Variants in PLEKHA8 observed in about 807,000 individuals in gnomAD.
PLEKHA8 encodes the protein pleckstrin homology domain containing A8, also known as pleckstrin homology domain-containing family A member 8.
PLEKHA8 carries 36 observed loss-of-function variants against 68.2 expected under a neutral mutation model. The ratio of observed to expected loss-of-function variants is 0.53; its 90% confidence interval spans 0.40 to 0.70. The LOEUF is 0.70. Among genes scored for constraint, PLEKHA8 ranks in the 30% least tolerant of loss-of-function variants. The pLI is 0.00. For missense variants in PLEKHA8, 505 were observed against 615.4 expected (o/e 0.82, Z 1.90); for synonymous variants, 211 against 216.1 (o/e 0.98, Z 0.20).
At chr7:30,105,662 G>A (rs1395511583) in intron 13 of PLEKHA8, among the ~76,000 whole-genome samples, 1 of 152,162 alleles carries the variant, frequency 6.6e-6, no homozygotes, top group Non-Finnish European at 1.5e-5. Flanking sequence ...ACTCACAAAT[G>A]AGGAAATACA....
intron 13 of PLEKHA8, chr7:30,115,944 ACATACG>A (rs1345823890): frequency 2.5e-5 from 3 of 118,616 alleles, no homozygotes; most frequent in African/African-American, 6.4e-5. Context: ...ATACATGCAC[ACATACG>A]CATACATGCA....
At chr7:30,049,067 A>C in intron 4 of PLEKHA8, 157 bp from the exon 5 acceptor site, 2 of 810,190 alleles carry the variant, frequency 2.5e-6, no homozygotes, top group Non-Finnish European at 3.9e-6. Flanking sequence ...TTACTTGATT[A>C]ATAGATAAAT....
chr7:30,076,849 C>A (rs1794637785), intron 13 of PLEKHA8, among the ~76,000 whole-genome samples: 1 of 152,174 alleles, frequency 6.6e-6, no homozygotes, highest in African/African-American at 2.4e-5. Flanking sequence ...TTCATGTTAA[C>A]TAATCTCGGT....
At chr7:30,032,209 T>C (rs1358390195) in intron 1 of PLEKHA8, among the ~76,000 whole-genome samples, 1 of 152,220 alleles carries the variant, frequency 6.6e-6, no homozygotes, top group Non-Finnish European at 1.5e-5. Context: ...AGGAGTATTA[T>C]ACATGTAGGG....
intron 13 of PLEKHA8, among the ~76,000 whole-genome samples, chr7:30,128,815 CACTCAAGGTGGAAG>C (rs1315776305): frequency 6.6e-6 from 1 of 152,218 alleles, no homozygotes; most frequent in Non-Finnish European, 1.5e-5. Context: ...AGGCTGCTTC[CACTCAAGGTGGAAG>C]ACAGAAGGGG....
downstream of PLEKHA8, among the ~76,000 whole-genome samples, chr7:30,095,039 T>C (rs867454066): frequency 9.3e-4 from 142 of 152,254 alleles, no homozygotes; most frequent in African/African-American, 3.4e-3. Context: ...GGGTATATAC[T>C]CAGTAATGGG....
intron 7 of PLEKHA8, 65 bp downstream of exon 7, chr7:30,052,931 G>A: frequency 7.5e-7 from 1 of 1,327,352 alleles, no homozygotes; most frequent in South Asian, 1.4e-5. Context: ...GGAATTTGAT[G>A]AATATCCATG....
chr7:30,077,980 T>C (rs1170039883), intron 13 of PLEKHA8, among the ~76,000 whole-genome samples: 2 of 152,154 alleles, frequency 1.3e-5, no homozygotes, highest in Admixed American at 6.5e-5. Context: ...GACGTTTATA[T>C]ATAAAATAGA....
downstream of PLEKHA8, among the ~76,000 whole-genome samples, chr7:30,094,419 C>T (rs546877140): frequency 2.6e-5 from 4 of 151,930 alleles, no homozygotes; most frequent in African/African-American, 4.8e-5. Flanking sequence ...GGATTATAGG[C>T]GCCTGCCACC....
downstream of PLEKHA8, among the ~76,000 whole-genome samples, chr7:30,091,037 G>T (rs551309601): frequency 6.6e-6 from 1 of 152,050 alleles, no homozygotes; most frequent in South Asian, 2.1e-4. Context: ...GATGGTGCAT[G>T]CCTGTAGTTC....
At position 30,046,231 on chromosome 7, in the gene PLEKHA8, G is replaced by A. The variant is rs199889210; in HGVS notation, c.179G>A (p.Arg60His). ...EIQVHSVDNT[R>H]MDLIIPGEQY... ...CCAGTTCATTCTGTAGATAATACAC[G>A]CATGGACCTGATAATCCCTGGGGAA... Residue 60 changes from arginine (R) to histidine (H), a missense_variant, in exon 3 of 14, where the codon CGC (arginine) becomes CAC (histidine). Physicochemically the swap from Arg to His is conservative, Grantham distance 29. Transcript: ENST00000449726. 1.9e-6 allele frequency: 3 copies of A among 1,611,638 alleles called. No homozygotes were observed. The highest frequency in any genetic ancestry group is 1.7e-5 in the Admixed American group (1 of 59,872).
Position 30,083,685 on chromosome 7 carries a change from CTT to C in PLEKHA8, c.*4900_*4901del, listed in dbSNP as rs762812964. 3.0e-6 allele frequency: 3 copies of C among 985,268 alleles called. No homozygotes were observed. Among genetic ancestry groups the C allele is most frequent in the East Asian group, 2.3e-4 (2 of 8,822 alleles). 61.0% of individuals were successfully genotyped at this position (985,268 alleles called of 1,614,324 possible). On this transcript the variant is annotated 3_prime_UTR_variant, in exon 14 of 14. Coordinates refer to ENST00000449726, the MANE Select transcript of PLEKHA8 (RefSeq NM_001197026.2). The stretch of plus-strand genomic sequence containing the variant: ...CTGCAATGCAAAAGTCTTCAAAATT[CTT>C]TGTTTCCTGTATTAATCACTTCTGT...
chr7:30,112,774 A>T (rs75505778), intron 13 of PLEKHA8, among the ~76,000 whole-genome samples: 15,034 of 151,486 alleles, frequency 0.099, 929 homozygotes, highest in African/African-American at 0.15. Flanking sequence ...GGTGGCATGT[A>T]CCTGTAGTCC....
At chr7:30,090,826 T>A, downstream of PLEKHA8, 1 of 198,786 alleles carries the variant, frequency 5.0e-6, no homozygotes, top group Non-Finnish European at 9.0e-6. Flanking sequence ...AAAATAAATA[T>A]GATAAGAAAT....
chr7:30,100,865 G>C (rs1411562467), intron 13 of PLEKHA8, among the ~76,000 whole-genome samples: 1 of 152,178 alleles, frequency 6.6e-6, no homozygotes, highest in Non-Finnish European at 1.5e-5. Flanking sequence ...ATAGCTAAAT[G>C]TAGGATGTTT....
chr7:30,115,712 AC>A (rs1367959671), intron 13 of PLEKHA8: 1 of 116,138 alleles, frequency 8.6e-6, no homozygotes, highest in Non-Finnish European at 1.9e-5. Context: ...ATGTATACAT[AC>A]GCGCATGCAT....
At chr7:30,041,874 G>A (rs183682197) in intron 1 of PLEKHA8, among the ~76,000 whole-genome samples, 295 of 152,030 alleles carry the variant, frequency 1.9e-3, no homozygotes, top group African/African-American at 6.8e-3. Flanking sequence ...TAGAACCTGT[G>A]CTATGTCATT....
At chr7:30,073,250 A>C (rs1412544084) in intron 12 of PLEKHA8, among the ~76,000 whole-genome samples, 1 of 152,190 alleles carries the variant, frequency 6.6e-6, no homozygotes, top group Non-Finnish European at 1.5e-5. Flanking sequence ...TCTAGCTTAA[A>C]TACTGTATAT....
At chr7:30,128,111 T>TTA (rs1491398291) in intron 13 of PLEKHA8, among the ~76,000 whole-genome samples, 4 of 124,908 alleles carry the variant, frequency 3.2e-5, no homozygotes, top group African/African-American at 8.5e-5. Flanking sequence ...TTTTTTTTTT[T>TTA]ACTTATTTAT....
Sources: gnomAD v4.1 joint callset for allele counts (sites outside exome capture counted in the v4.1 genomes callset) on GRCh38, gnomAD v4.1.1 for gene constraint, MANE v1.5 for transcripts, NCBI Gene and HGNC (gene_info 2026-07-23, HGNC 2026-07-21) for gene names.